Variants in GSE1 observed in about 807,000 individuals in gnomAD.
The protein encoded by GSE1 is genetic suppressor element 1.
A neutral mutation model predicts 112.6 loss-of-function variants in GSE1; 32 were observed. The ratio of observed to expected loss-of-function variants is 0.28; its 90% CI spans 0.21 to 0.38. The LOEUF (loss-of-function observed/expected upper bound fraction) is 0.38, where lower values mean the gene tolerates loss of function less well. Ranked by LOEUF, GSE1 falls within the 10% of genes least tolerant of loss-of-function variation. The pLI, the probability that GSE1 is intolerant of heterozygous loss-of-function variation, is 1.00. For missense variants in GSE1, 2,348 were observed against 1,699.2 expected (o/e 1.38, Z -6.71); for synonymous variants, 1,115 against 735.6 (o/e 1.52, Z -8.35).
intron 2 of GSE1, among the ~76,000 whole-genome samples, chr16:85,478,061 T>A (rs1567519452): frequency 6.6e-6 from 1 of 152,148 alleles, no homozygotes; most frequent in African/African-American, 2.4e-5. Context: ...GGACATCCAC[T>A]CATCCGCTTT....
chr16:85,188,033 T>C (rs1264876016), intron 1 of GSE1, among the ~76,000 whole-genome samples: 3 of 152,244 alleles, frequency 2.0e-5, no homozygotes, highest in Non-Finnish European at 4.4e-5. Flanking sequence ...TGGTACCACC[T>C]GCAGGGTGCT....
intron 2 of GSE1, among the ~76,000 whole-genome samples, chr16:85,372,381 A>G (rs1327991752): frequency 2.0e-5 from 3 of 147,258 alleles, no homozygotes; most frequent in African/African-American, 7.5e-5. Flanking sequence ...CTGGAGGCTG[A>G]GGTGGGAGGC....
chr16:85,362,961 G>C (rs1451869689), intron 2 of GSE1, among the ~76,000 whole-genome samples: 1 of 147,610 alleles, frequency 6.8e-6, no homozygotes. Context: ...TCAGCCTCCC[G>C]AGTAGCTGGG....
chr16:85,395,062 C>T (rs918806492), intron 2 of GSE1, among the ~76,000 whole-genome samples: 10 of 152,146 alleles, frequency 6.6e-5, no homozygotes, highest in South Asian at 2.1e-4. Context: ...GGGAATGGGG[C>T]GGGCAGAGAC....
chr16:85,229,469 G>A (rs1255774042), intron 1 of GSE1, among the ~76,000 whole-genome samples: 2 of 152,234 alleles, frequency 1.3e-5, no homozygotes, highest in Non-Finnish European at 2.9e-5. Flanking sequence ...TGGCTAGTGC[G>A]GCATCCAGAG....
At chr16:85,484,892 G>T (rs1173872655) in intron 2 of GSE1, among the ~76,000 whole-genome samples, 2 of 152,210 alleles carry the variant, frequency 1.3e-5, no homozygotes, top group African/African-American at 4.8e-5. Context: ...ATGGCCATGT[G>T]GGTGCTGCCT....
At chr16:85,342,809 C>T (rs55762309) in intron 1 of GSE1, among the ~76,000 whole-genome samples, 27,177 of 151,782 alleles carry the variant, frequency 0.18, 2,618 homozygotes, top group East Asian at 0.39. Flanking sequence ...CTGTGCTCCA[C>T]AGGTGCCTAG....
intron 1 of GSE1, among the ~76,000 whole-genome samples, chr16:85,198,581 A>G (rs1296376692): frequency 1.3e-5 from 2 of 152,048 alleles, no homozygotes; most frequent in Non-Finnish European, 2.9e-5. Flanking sequence ...TGCTGGCCAG[A>G]GTCTGGGGCT....
At chr16:85,217,067 T>C (rs769690466) in intron 1 of GSE1, among the ~76,000 whole-genome samples, 8 of 152,172 alleles carry the variant, frequency 5.3e-5, no homozygotes, top group Non-Finnish European at 1.2e-4. Flanking sequence ...CTGCGCCAGG[T>C]AATCCTGAGA....
chr16:85,221,270 G>C (rs2075386612), intron 1 of GSE1, among the ~76,000 whole-genome samples: 1 of 151,908 alleles, frequency 6.6e-6, no homozygotes. Context: ...TGCCAGGGAG[G>C]TCAGCTGCAG....
rs144957381 is a variant in GSE1 at position 85,511,713 on chromosome 16, G to A, written c.2465-122201G>A. On this transcript the variant is annotated intron_variant, in intron 2 of 2. Coordinates refer to the GSE1 transcript ENST00000637419. Reference sequence around the variant, plus strand: ...ATCTCAAGTGTCTTCAGAAGAGACAGGCAGAGGGAGATTTGAGACACGCAG... The same window carrying A: ...ATCTCAAGTGTCTTCAGAAGAGACAAGCAGAGGGAGATTTGAGACACGCAG... Among the ~76,000 whole-genome samples the A allele has an allele frequency of 2.9e-3, 445 of 152,280 alleles. 3 individuals carry two copies. The highest frequency in any genetic ancestry group is 0.01 in the African/African-American group (429 of 41,540).
chr16:85,248,669 T>C (rs4555143), intron 1 of GSE1, among the ~76,000 whole-genome samples: 143,011 of 152,294 alleles, frequency 0.94, 67,267 homozygotes, highest in East Asian at 1. Flanking sequence ...TACACACCAG[T>C]ATTAGTCCTT....
rs888739250 is a variant in GSE1, at chr16:85,674,361, G to A, written c.*1822G>A. 2 of 152,254 alleles carry A rather than the reference G, an allele frequency of 1.3e-5. No homozygotes were observed. The highest frequency in any genetic ancestry group is 4.8e-5 in the African/African-American group (2 of 41,460). 9.4% of individuals were successfully genotyped at this position (152,254 alleles called of 1,614,324 possible). On this transcript the variant is annotated 3_prime_UTR_variant, in exon 16 of 16. Coordinates refer to ENST00000253458, the MANE Select transcript of GSE1 (RefSeq NM_014615.5). ...GAATGTACCGCCAGTATTATCAGCA[G>A]TCAACAAGCACCTTCCTCTCCACAG... is the stretch of plus-strand genomic sequence containing the variant.
chr16:85,255,102 C>G (rs1034969772), intron 1 of GSE1, among the ~76,000 whole-genome samples: 1 of 148,598 alleles, frequency 6.7e-6, no homozygotes, highest in East Asian at 2.0e-4. Flanking sequence ...CGGCGGCGGT[C>G]GCTGTTGCCA....
At chr16:85,658,035 G>T (rs2052117339) in intron 8 of GSE1, among the ~76,000 whole-genome samples, 1 of 152,216 alleles carries the variant, frequency 6.6e-6, no homozygotes, top group South Asian at 2.1e-4. Flanking sequence ...GGAAAAAAAT[G>T]AGTTTTATTG....
intron 2 of GSE1, among the ~76,000 whole-genome samples, chr16:85,517,708 C>T (rs972734694): frequency 5.3e-5 from 8 of 152,242 alleles, no homozygotes; most frequent in Non-Finnish European, 1.0e-4. Flanking sequence ...ATCTTGCAGT[C>T]GGTCATTCCA....
At chr16:85,267,008 C>T (rs1908314976) in intron 1 of GSE1, among the ~76,000 whole-genome samples, 1 of 152,210 alleles carries the variant, frequency 6.6e-6, no homozygotes, top group Non-Finnish European at 1.5e-5. Context: ...CCCTTGGGCT[C>T]CGAGACGGCT....
At chr16:85,509,983 C>T (rs1045199607) in intron 2 of GSE1, among the ~76,000 whole-genome samples, 3 of 152,176 alleles carry the variant, frequency 2.0e-5, no homozygotes, top group African/African-American at 7.2e-5. Context: ...GATTTGGTGA[C>T]GTATGGCTCC....
At chr16:85,426,086 GGTGA>G (rs1468498949) in intron 2 of GSE1, among the ~76,000 whole-genome samples, 19 of 95,216 alleles carry the variant, frequency 2.0e-4, no homozygotes, top group Admixed American at 3.9e-4. Context: ...TAGATGGATG[GGTGA>G]ATGAGAGGGA....
Sources: gnomAD v4.1 joint callset for allele counts (sites outside exome capture counted in the v4.1 genomes callset) on GRCh38, gnomAD v4.1.1 for gene constraint, MANE v1.5 for transcripts, NCBI Gene and HGNC (gene_info 2026-07-23, HGNC 2026-07-21) for gene names.